Variants in PLCG2 observed in about 807,000 individuals in gnomAD.
PLCG2 encodes the protein 1-phosphatidylinositol 4,5-bisphosphate phosphodiesterase gamma-2.
In PLCG2, 69 loss-of-function variants were observed where a neutral mutation model predicts 175.6. The observed-to-expected ratio is 0.39, with a 90% confidence interval of 0.32 to 0.48. The LOEUF (loss-of-function observed/expected upper bound fraction) is 0.48, where lower values mean the gene tolerates loss of function less well. Among genes scored for constraint, PLCG2 ranks in the 20% least tolerant of loss-of-function variants. The pLI, the probability that PLCG2 is intolerant of heterozygous loss-of-function variation, is 0.91. For missense variants in PLCG2, 1,798 were observed against 1,650.9 expected, an observed-to-expected ratio of 1.09 and a Z score of -1.54; for synonymous variants, 827 against 624.0, an observed-to-expected ratio of 1.33 and a Z score of -4.85.
intron 2 of PLCG2, among the ~76,000 whole-genome samples, chr16:81,760,631 C>T (rs191663853): frequency 9.2e-5 from 14 of 151,902 alleles, no homozygotes; most frequent in African/African-American, 2.9e-4. Context: ...CTTATATGGG[C>T]TGAGCACAAT....
At chr16:81,791,920 C>T (rs1366524823) in intron 2 of PLCG2, among the ~76,000 whole-genome samples, 1 of 152,130 alleles carries the variant, frequency 6.6e-6, no homozygotes, top group Non-Finnish European at 1.5e-5. Context: ...GCAGAAGAGT[C>T]CCAGGCAGAA....
At chr16:81,938,746 A>T in intron 28 of PLCG2, 55 bp from the exon 29 acceptor site, 1 of 1,032,538 alleles carries the variant, frequency 9.7e-7, no homozygotes, top group Non-Finnish European at 1.5e-6. Context: ...AATCCACGCT[A>T]GGCTGCCTGT....
chr16:81,775,876 C>A (rs1003300537), upstream of PLCG2, among the ~76,000 whole-genome samples: 2 of 151,944 alleles, frequency 1.3e-5, no homozygotes, highest in African/African-American at 4.8e-5. Context: ...TACAAACTCA[C>A]ATCTCCCTGC....
chr16:81,903,972 ATCT>A (rs1412368355), intron 14 of PLCG2, among the ~76,000 whole-genome samples: 1 of 152,208 alleles, frequency 6.6e-6, no homozygotes, highest in Non-Finnish European at 1.5e-5. Context: ...GGTCATATGT[ATCT>A]TCTTATTCAG....
chr16:81,847,249 T>C (rs1489834100), intron 2 of PLCG2, among the ~76,000 whole-genome samples: 1 of 152,200 alleles, frequency 6.6e-6, no homozygotes, highest in Non-Finnish European at 1.5e-5. Context: ...GGGCATAGGG[T>C]TCCCATGTTC....
chr16:81,890,166 G>C (rs1424366668), intron 10 of PLCG2, among the ~76,000 whole-genome samples: 10 of 152,170 alleles, frequency 6.6e-5, no homozygotes, highest in Admixed American at 5.9e-4. Flanking sequence ...TTATCTGTAG[G>C]AGTAACTGAG....
intron 2 of PLCG2, among the ~76,000 whole-genome samples, chr16:81,830,686 A>G (rs1905225716): frequency 2.0e-5 from 3 of 151,798 alleles, no homozygotes. Flanking sequence ...ATATACACAC[A>G]TATATTTTAT....
intron 31 of PLCG2, among the ~76,000 whole-genome samples, chr16:81,947,921 GTA>G (rs1445195565): frequency 1.3e-5 from 2 of 152,034 alleles, no homozygotes; most frequent in Admixed American, 6.6e-5. Flanking sequence ...ATGATTTTTT[GTA>G]TATGATATTT....
intron 5 of PLCG2, among the ~76,000 whole-genome samples, chr16:81,867,574 A>G (rs1318278678): frequency 1.3e-5 from 2 of 151,952 alleles, no homozygotes; most frequent in Non-Finnish European, 2.9e-5. Context: ...ATGTGCATAT[A>G]AGGCACCACC....
At chr16:81,833,837 G>GGCGC (rs1405897041) in intron 2 of PLCG2, among the ~76,000 whole-genome samples, 4 of 152,124 alleles carry the variant, frequency 2.6e-5, no homozygotes, top group African/African-American at 9.7e-5. Flanking sequence ...CATGAGCCAC[G>GGCGC]GCGCCCGGCC....
In PLCG2 at chr16:81,878,143, T is replaced by C. The variant is rs1203034993; in HGVS notation, c.649-2767T>C. Among the ~76,000 whole-genome samples the C allele has an allele frequency of 6.6e-5, 10 of 151,800 alleles. No individual in the cohort carries two copies. In the East Asian group the frequency reaches 1.9e-3, roughly 30 times the overall value. ...GACTACAGGCGCCCACCACCACGCC[T>C]GGCTAATTTTTTGTATTTTTTTAGT... On this transcript the variant is annotated intron_variant, in intron 7 of 32. Transcript: ENST00000564138.
At chr16:81,914,759 A>G (rs532498704) in intron 19 of PLCG2, among the ~76,000 whole-genome samples, 26 of 152,090 alleles carry the variant, frequency 1.7e-4, no homozygotes, top group Non-Finnish European at 3.8e-4. Flanking sequence ...GTTCCTGCTT[A>G]TGTAACATTG....
Position 81,938,779 on chromosome 16 carries a change from A to T in PLCG2, c.3199-22A>T, listed in dbSNP as rs75387007. ...TGTTCAGGACCCCAGGGGGGTTCCA[A>T]TGCTTCCCTTTGGTGTCCCAGGTTC... is the stretch of plus-strand genomic sequence containing the variant. On this transcript the variant is annotated intron_variant, in intron 28 of 32. Transcript: ENST00000564138. The T allele has an allele frequency of 4.0e-6, 6 of 1,507,708 alleles. No homozygotes were observed. The African/African-American group carries it at 5.5e-5, about 14-fold the overall frequency. 93.4% of individuals were successfully genotyped at this position (1,507,708 alleles called of 1,614,324 possible). A position where few individuals can be genotyped will look rare whatever the true frequency, so the allele number is the denominator to read the frequency against.
intron 5 of PLCG2, among the ~76,000 whole-genome samples, chr16:81,866,303 G>T (rs1458641086): frequency 7.1e-6 from 1 of 140,874 alleles, no homozygotes; most frequent in Non-Finnish European, 1.5e-5. Flanking sequence ...CTTTCTCCCA[G>T]GATGGGCTCC....
At chr16:81,763,623 G>A (rs1476049314) in intron 2 of PLCG2, among the ~76,000 whole-genome samples, 1 of 152,218 alleles carries the variant, frequency 6.6e-6, no homozygotes, top group East Asian at 1.9e-4. Flanking sequence ...CCAGGCAGAA[G>A]CTGTCACACA....
intron 2 of PLCG2, among the ~76,000 whole-genome samples, chr16:81,801,930 C>A (rs1036281329): frequency 2.0e-5 from 3 of 151,920 alleles, no homozygotes; most frequent in Non-Finnish European, 4.4e-5. Flanking sequence ...ATCCACCCAC[C>A]TCAGCCTCCC....
chr16:81,905,376 C>T (rs758163950), intron 14 of PLCG2, 27 bp from the exon 15 acceptor site: 2 of 1,542,848 alleles, frequency 1.3e-6, no homozygotes, highest in Admixed American at 1.7e-5. Context: ...TCCATGGAGA[C>T]AGCCTATGTA....
upstream of PLCG2, among the ~76,000 whole-genome samples, chr16:81,776,700 G>T (rs960418581): frequency 1.3e-5 from 2 of 152,180 alleles, no homozygotes; most frequent in African/African-American, 4.8e-5. Context: ...CACTACAGGT[G>T]TGTGCCACCA....
chr16:81,891,729 A>G (rs1261100838), intron 11 of PLCG2, 139 bp downstream of exon 11: 2 of 579,876 alleles, frequency 3.4e-6, no homozygotes, highest in Non-Finnish European at 6.3e-6. Context: ...GGACTAAAAT[A>G]CACAGAAGCT....
Sources: allele counts gnomAD v4.1 joint callset (sites outside exome capture counted in the v4.1 genomes callset), GRCh38; gene constraint gnomAD v4.1.1; transcripts MANE v1.5; gene names NCBI Gene and HGNC (gene_info 2026-07-23, HGNC 2026-07-21).